SIGLEC1: variants seen among roughly 807,000 people sequenced by gnomAD.
SIGLEC1 encodes the protein sialoadhesin.
Under a neutral mutation model 148.0 loss-of-function variants are expected in SIGLEC1, and 132 were observed. The observed-to-expected ratio is 0.89, with a 90% confidence interval of 0.77 to 1.03. The LOEUF (loss-of-function observed/expected upper bound fraction) is 1.03, where lower values mean the gene tolerates loss of function less well. Among genes scored for constraint, SIGLEC1 ranks in the 50% least tolerant of loss-of-function variants. The probability of loss-of-function intolerance (pLI) is 0.00; values close to 1 mark genes in which losing one functional copy is unlikely to be tolerated. For missense variants in SIGLEC1, 2,253 were observed against 2,271.4 expected, an observed-to-expected ratio of 0.99 and a Z score of 0.16; for synonymous variants, 945 against 969.0, an observed-to-expected ratio of 0.98 and a Z score of 0.46.
At chr20:3,705,157 C>T (rs1166693769) in intron 4 of SIGLEC1, among the ~76,000 whole-genome samples, 4 of 152,266 alleles carry the variant, frequency 2.6e-5, no homozygotes, top group South Asian at 2.1e-4. Flanking sequence ...CCACCACACC[C>T]GGCTAATTTT....
chr20:3,703,966 T>C lies in SIGLEC1; in HGVS notation c.832A>G (p.Lys278Glu). Residue 278 changes from lysine to glutamate, a missense_variant, in exon 5 of 22, where the codon AAG becomes GAG. Coordinates refer to ENST00000344754, the MANE Select transcript of SIGLEC1 (RefSeq NM_023068.4). ...YPAVSSIKWLKDGVRLQTKTG... is the reference protein window; with the variant it reads ...YPAVSSIKWLEDGVRLQTKTG... The stretch of plus-strand genomic sequence containing the variant: ...TTGGTTTGGAGGCGTACCCCATCCT[T>C]GAGCCACTTAATGGAACTGACTGCA... 1.9e-6 allele frequency: 3 copies of C among 1,612,422 alleles called. No individual in the cohort carries two copies. Among genetic ancestry groups the C allele is most frequent in the Non-Finnish European group, 1.7e-6 (2 of 1,178,860 alleles).
intron 6 of SIGLEC1, among the ~76,000 whole-genome samples, chr20:3,702,497 A>G (rs890433284): frequency 6.6e-6 from 1 of 152,036 alleles, no homozygotes; most frequent in Non-Finnish European, 1.5e-5. Flanking sequence ...AGGCAGGAGG[A>G]GAATCGCTTG....
intron 13 of SIGLEC1, 110 bp from the exon 14 acceptor site, chr20:3,693,808 C>A: frequency 1.6e-6 from 2 of 1,228,324 alleles, no homozygotes; most frequent in Non-Finnish European, 2.2e-6. Flanking sequence ...GCCCCTTGGC[C>A]TTTGGGAGCC....
intron 21 of SIGLEC1, 191 bp downstream of exon 21, chr20:3,688,964 A>C (rs946745310): frequency 5.1e-5 from 32 of 625,032 alleles, no homozygotes; most frequent in Non-Finnish European, 9.1e-5. Context: ...GCCAGCTGAC[A>C]CAGGGATTCC....
At chr20:3,699,166 C>A in intron 8 of SIGLEC1, 36 bp downstream of exon 8, 1 of 1,597,698 alleles carries the variant, frequency 6.3e-7, no homozygotes, top group South Asian at 1.1e-5. Flanking sequence ...GCTGGTGGGT[C>A]CCGGCAGGAG....
Position 3,689,194 on chromosome 20 carries a change from C to T in SIGLEC1, c.5031G>A (p.Glu1677=), listed in dbSNP as rs1488871372. 1 of 1,614,216 alleles carries T rather than the reference C, an allele frequency of 6.2e-7. No individual in the cohort carries two copies. Among genetic ancestry groups the T allele is most frequent in the Non-Finnish European group, 8.5e-7 (1 of 1,180,038 alleles). Reference sequence around the variant, plus strand: ...TCTGAAAAGCCATCTCCACCGAATTCTCGCCCATGCTCTGCTTACAAACAC... The same window carrying T: ...TCTGAAAAGCCATCTCCACCGAATTTTCGCCCATGCTCTGCTTACAAACAC... ...RRRVCKQSMG[E]NSVEMAFQKE... is the part of the protein sequence containing the mutation. Residue 1677 remains glutamate, a synonymous_variant, in exon 21 of 22, where the codon GAG becomes GAA. Transcript: ENST00000344754.
In SIGLEC1 at chr20:3,688,397, TGG is replaced by T; in HGVS notation, c.*161_*162del. On this transcript the variant is annotated 3_prime_UTR_variant, in exon 22 of 22. Coordinates refer to ENST00000344754, the MANE Select transcript of SIGLEC1 (RefSeq NM_023068.4). ...GGGCAGACCTCTCACCACCCATTTT[TGG>T]GGGGGCAAGAGGCTTGGGGCCAGGT... 1.4e-6 allele frequency: 1 copy of T among 690,522 alleles called. No individual in the cohort carries two copies. The highest frequency in any genetic ancestry group is 1.5e-5 in the South Asian group (1 of 65,292). 42.8% of individuals were successfully genotyped at this position (690,522 alleles called of 1,614,324 possible). A position where few individuals can be genotyped will look rare whatever the true frequency, so the allele number is the denominator to read the frequency against.
At chr20:3,704,225 T>C in intron 4 of SIGLEC1, 134 bp from the exon 5 acceptor site, 2 of 823,122 alleles carry the variant, frequency 2.4e-6, no homozygotes, top group South Asian at 1.7e-5. Flanking sequence ...CCTTCAATCC[T>C]CACCCAGGGC....
At position 3,691,556 on chromosome 20, in the gene SIGLEC1, C is replaced by T. The variant is rs776489645; in HGVS notation, c.4375G>A (p.Ala1459Thr). ...AGGCGGCAGCTGAGGTTCAGGGCAG[C>T]GCCCTCAGGCACGTCCAGGCCAGGC... The part of the protein sequence containing the change: ...AEPGLDVPEG[A>T]ALNLSCRLLG... Residue 1459 changes from alanine (A) to threonine (T), a missense_variant, in exon 18 of 22, where the codon GCT becomes ACT. By Grantham distance (58) the Ala-to-Thr change is moderately conservative (BLOSUM62 0). Transcript: ENST00000344754. The T allele has an allele frequency of 4.6e-5, 74 of 1,612,918 alleles. No homozygotes were observed. Among genetic ancestry groups the T allele is most frequent in the East Asian group, 6.7e-5 (3 of 44,902 alleles).
At chr20:3,705,590 A>G (rs545025626) in intron 4 of SIGLEC1, among the ~76,000 whole-genome samples, 154 bp downstream of exon 4, 15 of 152,310 alleles carry the variant, frequency 9.8e-5, no homozygotes, top group African/African-American at 3.4e-4. Context: ...GGGGCTCAGC[A>G]GTGTCTCTCC....
rs370123788 is a variant in SIGLEC1, at chr20:3,696,704, C to T, written c.2565G>A (p.Glu855=). 1.9e-6 allele frequency: 3 copies of T among 1,613,658 alleles called. No homozygotes were observed. The highest frequency in any genetic ancestry group is 2.2e-5 in the South Asian group (2 of 91,092). Residue 855 remains glutamate, a synonymous_variant, in exon 11 of 22, where the codon GAG becomes GAA. Coordinates refer to ENST00000344754, the MANE Select transcript of SIGLEC1 (RefSeq NM_023068.4). ...PSHGRFQAKA[E]ANSLKLEVRE... The stretch of plus-strand genomic sequence containing the variant: ...GGACCTCTAACTTCAGGGAGTTGGC[C>T]TCAGCTTTAGCCTGGAACCGACCAT...
Position 3,696,141 on chromosome 20 carries a change from A to ACACACACACACACAC in SIGLEC1, c.2683+444_2683+445insGTGTGTGTGTGTGTG, listed in dbSNP as rs371507046. ...GAGACTATATATATACACACACACA[A>ACACACACACACACAC]ACACACACACACACACACACACACA... On this transcript the variant is annotated intron_variant, in intron 11 of 21. Coordinates refer to ENST00000344754, the MANE Select transcript of SIGLEC1 (RefSeq NM_023068.4). 9.4e-4 allele frequency among the ~76,000 whole-genome samples: 137 copies of ACACACACACACACAC among 145,182 alleles called. 1 individual carries two copies. The highest frequency in any genetic ancestry group is 3.1e-3 in the African/African-American group (123 of 39,458).
At chr20:3,699,678 TGTCCAAC>T (rs2087834374) in intron 7 of SIGLEC1, among the ~76,000 whole-genome samples, 1 of 152,216 alleles carries the variant, frequency 6.6e-6, no homozygotes, top group Admixed American at 6.5e-5. Context: ...CCCAGGCTTA[TGTCCAAC>T]ACCTGGCTTG....
intron 14 of SIGLEC1, 144 bp from the exon 15 acceptor site, chr20:3,693,275 C>G: frequency 8.4e-7 from 1 of 1,193,298 alleles, no homozygotes; most frequent in South Asian, 1.6e-5. Context: ...GCTCCTCTGC[C>G]CAGACAGGAC....
rs2088765360 is a variant in SIGLEC1, at chr20:3,691,730, A to T, written c.4331-130T>A. On this transcript the variant is annotated intron_variant, in intron 17 of 21. Transcript: ENST00000344754. ...AGTCTGACTTGGTATAGGGCTTTCCAAGGTGGAACCATGCCCCCTCCAGTG... is the reference window on the plus strand; with the variant it reads ...AGTCTGACTTGGTATAGGGCTTTCCTAGGTGGAACCATGCCCCCTCCAGTG... The T allele has an allele frequency of 1.1e-5, 15 of 1,375,954 alleles. No individual in the cohort carries two copies. In the East Asian group the frequency reaches 3.5e-4, roughly 32 times the overall value. 85.2% of individuals were successfully genotyped at this position (1,375,954 alleles called of 1,614,324 possible). A position where few individuals can be genotyped will look rare whatever the true frequency, so the allele number is the denominator to read the frequency against.
rs370863646 is a variant in SIGLEC1, at chr20:3,697,793, C to T, written c.2122+5G>A. On this transcript the variant is annotated splice_donor_5th_base_variant and intron_variant, in intron 9 of 21. Transcript: ENST00000344754. ...CCCAGGCCACCCATTCCCTGCCTGA[C>T]TCACCCTGGCCATTGAAGGTGGCTG... The T allele has an allele frequency of 3.4e-5, 55 of 1,612,170 alleles. No homozygotes were observed. Among genetic ancestry groups the T allele is most frequent in the Non-Finnish European group, 4.6e-5 (54 of 1,179,724 alleles).
In SIGLEC1 at chr20:3,703,844, G is replaced by C; in HGVS notation, c.954C>G (p.Pro318=). 6.2e-7 allele frequency: 1 copy of C among 1,613,868 alleles called. No homozygotes were observed. Among genetic ancestry groups the C allele is most frequent in the East Asian group, 2.2e-5 (1 of 44,878 alleles). The change falls in exon 5 of 22, where the codon CCC becomes CCG. Residue 318 remains proline (P), a synonymous_variant. Coordinates refer to ENST00000344754, the MANE Select transcript of SIGLEC1 (RefSeq NM_023068.4). The stretch of plus-strand genomic sequence containing the variant: ...ACTCACTGAAGATGTGGAGGCTGAT[G>C]GGGGGTGAGACCAAAGAGCCCACGC... ...ENGVGSLVSP[P]ISLHIFMAEV...
intron 6 of SIGLEC1, 113 bp from the exon 7 acceptor site, chr20:3,701,754 G>C: frequency 9.7e-7 from 1 of 1,032,704 alleles, no homozygotes; most frequent in Non-Finnish European, 1.3e-6. Flanking sequence ...CTGTGAGAAG[G>C]GGGTGATCCC....
chr20:3,694,293 C>G lies in SIGLEC1; in HGVS notation c.3184G>C (p.Glu1062Gln), dbSNP rs774431544. ...LEIHGAMLED[E>Q]GVYICEASNT... ...GAGGCCTCACAGATATAGACACCCT[C>G]ATCCTCCAGCATAGCCCCGTGGATC... The change falls in exon 13 of 22, where the codon GAG (glutamate) becomes CAG (glutamine). Residue 1062 changes from glutamate (E) to glutamine (Q), a missense_variant. Physicochemically the swap from Glu to Gln is conservative, Grantham distance 29. Transcript: ENST00000344754. The G allele has an allele frequency of 1.2e-6, 2 of 1,613,096 alleles. No individual in the cohort carries two copies. Among genetic ancestry groups the G allele is most frequent in the South Asian group, 2.2e-5 (2 of 91,082 alleles).
Sources: gnomAD v4.1 joint callset for allele counts (sites outside exome capture counted in the v4.1 genomes callset) on GRCh38, gnomAD v4.1.1 for gene constraint, MANE v1.5 for transcripts, NCBI Gene and HGNC (gene_info 2026-07-23, HGNC 2026-07-21) for gene names.